The following RIMS2 variants were observed in gnomAD, a reference collection of about 807,000 sequenced individuals.
RIMS2 encodes regulating synaptic membrane exocytosis protein 2.
Under a neutral mutation model 174.4 loss-of-function variants are expected in RIMS2, and 59 were observed. That is an observed-to-expected ratio of 0.34 (90% CI 0.27 to 0.42). RIMS2 has a LOEUF of 0.42. Ranked by LOEUF, RIMS2 falls within the 10% of genes least tolerant of loss-of-function variation. RIMS2 has a pLI of 1.00. For missense variants in RIMS2, 1,620 were observed against 1,666.3 expected, an observed-to-expected ratio of 0.97 and a Z score of 0.48; for synonymous variants, 606 against 572.5, an observed-to-expected ratio of 1.06 and a Z score of -0.84.
intron 2 of RIMS2, among the ~76,000 whole-genome samples, chr8:103,759,101 T>G (rs1362881918): frequency 1.3e-5 from 2 of 152,192 alleles, no homozygotes; most frequent in Non-Finnish European, 2.9e-5. Context: ...TCCAGTCTCT[T>G]CTTTCCAGGC....
intron 19 of RIMS2, among the ~76,000 whole-genome samples, chr8:104,110,673 T>G (rs146769442): frequency 3.2e-4 from 49 of 152,282 alleles, no homozygotes; most frequent in African/African-American, 1.2e-3. Flanking sequence ...CTTAGAAATA[T>G]AAAATTGAAT....
At chr8:103,722,940 G>A (rs1303378252) in intron 2 of RIMS2, among the ~76,000 whole-genome samples, 1 of 152,078 alleles carries the variant, frequency 6.6e-6, no homozygotes, top group Non-Finnish European at 1.5e-5. Context: ...GAGAAACCCT[G>A]TCTCTACTAA....
chr8:104,240,768 A>G (rs1189881338), intron 19 of RIMS2, among the ~76,000 whole-genome samples: 2 of 152,174 alleles, frequency 1.3e-5, no homozygotes, highest in Non-Finnish European at 2.9e-5. Flanking sequence ...CAATAGATAG[A>G]GCTCACAAGT....
intron 3 of RIMS2, among the ~76,000 whole-genome samples, chr8:103,821,164 AT>A (rs1314732901): frequency 1.3e-5 from 2 of 151,586 alleles, no homozygotes; most frequent in East Asian, 1.9e-4. Context: ...GAAAATAACT[AT>A]TTTTTGAGGG....
intron 12 of RIMS2, among the ~76,000 whole-genome samples, chr8:103,933,336 A>ACACACACACAC: frequency 1.7e-5 from 1 of 58,252 alleles, no homozygotes; most frequent in Admixed American, 1.7e-4. Context: ...CACACACACA[A>ACACACACACAC]TTAGCCAGGA....
chr8:103,728,748 C>CTTTTTTTT (rs71575982), intron 2 of RIMS2, among the ~76,000 whole-genome samples: 4,204 of 91,300 alleles, frequency 0.046, 111 homozygotes, highest in African/African-American at 0.066. Flanking sequence ...TATGCTCCTT[C>CTTTTTTTT]TTTTTTTTTT....
At chr8:104,249,680 T>A in intron 22 of RIMS2, 92 bp downstream of exon 28, 3 of 704,548 alleles carry the variant, frequency 4.3e-6, no homozygotes, top group Non-Finnish European at 7.5e-6. Flanking sequence ...TTGATTTAGT[T>A]AATCAAGATT....
intron 1 of RIMS2, among the ~76,000 whole-genome samples, chr8:103,661,286 C>T (rs796970179): frequency 1.8e-4 from 28 of 152,136 alleles, no homozygotes; most frequent in African/African-American, 5.3e-4. Context: ...TATTGATGTG[C>T]GTTTGAGTTT....
intron 19 of RIMS2, among the ~76,000 whole-genome samples, chr8:104,154,561 G>C (rs1042605453): frequency 2.0e-5 from 3 of 152,098 alleles, no homozygotes; most frequent in Non-Finnish European, 4.4e-5. Context: ...ATAAGAAATA[G>C]AAATTTTAAA....
At chr8:103,688,616 C>T (rs1207547082) in intron 1 of RIMS2, among the ~76,000 whole-genome samples, 2 of 151,820 alleles carry the variant, frequency 1.3e-5, no homozygotes, top group Non-Finnish European at 2.9e-5. Context: ...TAATGCTGGC[C>T]TCATAAAATG....
intron 15 of RIMS2, 148 bp downstream of exon 17, chr8:103,961,281 C>T (rs2089987918): frequency 1.8e-6 from 1 of 567,776 alleles, no homozygotes; most frequent in South Asian, 2.4e-5. Flanking sequence ...AACTTAAACC[C>T]CTGAGTAATC....
At chr8:103,895,260 G>C (rs2099271025) in intron 4 of RIMS2, among the ~76,000 whole-genome samples, 1 of 150,350 alleles carries the variant, frequency 6.7e-6, no homozygotes, top group South Asian at 2.1e-4. Context: ...TCCACTGAGA[G>C]TCCGTATCTT....
chr8:104,158,280 C>A (rs1404386365), intron 19 of RIMS2, among the ~76,000 whole-genome samples: 2 of 152,162 alleles, frequency 1.3e-5, no homozygotes, highest in Admixed American at 1.3e-4. Flanking sequence ...GCCACATTTT[C>A]TTTATCCAGT....
At chr8:103,939,894 C>CA (rs1379279722) in intron 13 of RIMS2, among the ~76,000 whole-genome samples, 1 of 152,114 alleles carries the variant, frequency 6.6e-6, no homozygotes, top group Admixed American at 6.5e-5. Flanking sequence ...CTGCAGTTCC[C>CA]AAAAAATTCC....
intron 19 of RIMS2, among the ~76,000 whole-genome samples, chr8:104,073,056 G>A (rs1263030063): frequency 3.3e-5 from 5 of 152,008 alleles, no homozygotes; most frequent in East Asian, 1.9e-4. Flanking sequence ...AAGGATCAAC[G>A]TATTTTTTCT....
intron 1 of RIMS2, among the ~76,000 whole-genome samples, chr8:103,571,022 A>G (rs1019983818): frequency 6.6e-6 from 1 of 152,110 alleles, no homozygotes; most frequent in African/African-American, 2.4e-5. Flanking sequence ...CAATTGGTCT[A>G]CTTATAATTT....
chr8:104,091,863 G>C (rs935514147), intron 19 of RIMS2, among the ~76,000 whole-genome samples: 5 of 151,392 alleles, frequency 3.3e-5, no homozygotes, highest in African/African-American at 1.2e-4. Flanking sequence ...AAACCCTATG[G>C]TTCTATTTAA....
chr8:104,140,293 G>A lies in RIMS2; in HGVS notation c.3335-104623G>A, dbSNP rs576250314. Among the ~76,000 whole-genome samples the A allele has an allele frequency of 2.0e-4, 30 of 152,118 alleles. No individual in the cohort carries two copies. The South Asian group carries it at 6.2e-3, about 32-fold the overall frequency. ...TTTTTACCCACCATTCAAGACCCAA[G>A]TTTATAAAGCTTTTCTCATCTCTGA... On this transcript the variant is annotated intron_variant, in intron 19 of 23. Transcript: ENST00000504942.
intron 19 of RIMS2, among the ~76,000 whole-genome samples, chr8:104,145,716 C>T (rs1214674817): frequency 2.5e-5 from 2 of 81,400 alleles, no homozygotes; most frequent in Non-Finnish European, 2.3e-5. Context: ...TAAATAAATT[C>T]GCCGGACATG....
Sources: allele counts gnomAD v4.1 joint callset (sites outside exome capture counted in the v4.1 genomes callset), GRCh38; gene constraint gnomAD v4.1.1; transcripts MANE v1.5; gene names NCBI Gene and HGNC (gene_info 2026-07-23, HGNC 2026-07-21).